Variants in CDKL4 observed in about 807,000 individuals in gnomAD.
CDKL4 encodes the protein cyclin dependent kinase like 4.
CDKL4 carries 44 observed loss-of-function variants against 42.0 expected under a neutral mutation model. The ratio of observed to expected loss-of-function variants is 1.05; its 90% CI spans 0.82 to 1.35. The LOEUF is 1.35. CDKL4 is among the 40% of genes most tolerant of loss of function. The pLI is 0.00. For synonymous variants in CDKL4, 120 were observed against 121.6 expected (o/e 0.99, Z 0.09); for missense variants, 393 against 369.9 (o/e 1.06, Z -0.51).
intron 9 of CDKL4, among the ~76,000 whole-genome samples, chr2:39,177,685 T>C (rs980992362): frequency 1.4e-5 from 2 of 145,746 alleles, no homozygotes; most frequent in African/African-American, 5.1e-5. Flanking sequence ...TGTTTTTATT[T>C]ATTTATTTTT....
intron 4 of CDKL4, among the ~76,000 whole-genome samples, chr2:39,205,214 G>A (rs1050630452): frequency 2.6e-5 from 4 of 152,030 alleles, no homozygotes; most frequent in Admixed American, 2.0e-4. Context: ...AATTCAAGAA[G>A]AGAGTAACAT....
intron 5 of CDKL4, among the ~76,000 whole-genome samples, chr2:39,198,134 G>T (rs11904381): frequency 0.016 from 2,503 of 152,110 alleles, 76 homozygotes; most frequent in African/African-American, 0.057. Context: ...AAAGTAAAGT[G>T]GGGGGAAAGG....
chr2:39,173,726 C>T (rs1056192084), downstream of CDKL4, among the ~76,000 whole-genome samples: 44 of 149,622 alleles, frequency 2.9e-4, no homozygotes, highest in African/African-American at 9.6e-4. Context: ...AGGAGAATGG[C>T]GTGAACCCGG....
At chr2:39,180,813 C>T (rs1225245424) in intron 8 of CDKL4, among the ~76,000 whole-genome samples, 1 of 151,852 alleles carries the variant, frequency 6.6e-6, no homozygotes, top group African/African-American at 2.4e-5. Flanking sequence ...GCCTCAGCCT[C>T]CCAAATAGCT....
intron 4 of CDKL4, 44 bp downstream of exon 4, chr2:39,213,356 T>A (rs1677700218): frequency 8.3e-7 from 1 of 1,211,330 alleles, no homozygotes; most frequent in Non-Finnish European, 1.2e-6. Flanking sequence ...AAGAAAAGAG[T>A]CATCATGAAG....
chr2:39,228,908 G>A (rs555636448), intron 2 of CDKL4, among the ~76,000 whole-genome samples: 4 of 152,240 alleles, frequency 2.6e-5, no homozygotes, highest in African/African-American at 9.6e-5. Flanking sequence ...TACGTTACCG[G>A]GGGTGCTATT....
chr2:39,217,083 C>T (rs1269315852), intron 3 of CDKL4, among the ~76,000 whole-genome samples: 1 of 152,134 alleles, frequency 6.6e-6, no homozygotes, highest in African/African-American at 2.4e-5. Flanking sequence ...CACATCGACG[C>T]GGCGCCCAGT....
chr2:39,186,825 G>C (rs925245806), intron 7 of CDKL4, among the ~76,000 whole-genome samples: 2 of 151,892 alleles, frequency 1.3e-5, no homozygotes, highest in Non-Finnish European at 2.9e-5. Context: ...ATTCTCCTAA[G>C]GCTTTGACCA....
chr2:39,172,966 C>T (rs948199873), downstream of CDKL4, among the ~76,000 whole-genome samples: 6 of 152,138 alleles, frequency 3.9e-5, no homozygotes, highest in African/African-American at 1.4e-4. Context: ...TCCCCAGTGA[C>T]ACCTAAGTGA....
chr2:39,221,163 G>A (rs1349997530), intron 3 of CDKL4, among the ~76,000 whole-genome samples: 1 of 151,054 alleles, frequency 6.6e-6, no homozygotes, highest in Non-Finnish European at 1.5e-5. Flanking sequence ...ACAGGTGCCC[G>A]CCACCACGCC....
chr2:39,205,876 T>C (rs1572982135), intron 4 of CDKL4, among the ~76,000 whole-genome samples: 1 of 151,746 alleles, frequency 6.6e-6, no homozygotes, highest in South Asian at 2.1e-4. Flanking sequence ...CACAGTCCCC[T>C]GCTTAGCAGA....
exon 5 of CDKL4, chr2:39,204,534 T>C: frequency 1.2e-6 from 2 of 1,602,346 alleles, no homozygotes; most frequent in Non-Finnish European, 8.5e-7. Context: ...TACTCAGAAT[T>C]TGTGCAAACC....
chr2:39,221,005 T>G (rs1573007235), intron 3 of CDKL4, among the ~76,000 whole-genome samples: 3 of 53,958 alleles, frequency 5.6e-5, no homozygotes, highest in Non-Finnish European at 1.4e-4. Context: ...TTTTTTGTTT[T>G]TTTTTTTGTT....
At chr2:39,208,973 G>T (rs962781105) in intron 4 of CDKL4, among the ~76,000 whole-genome samples, 1 of 151,788 alleles carries the variant, frequency 6.6e-6, no homozygotes, top group South Asian at 2.1e-4. Flanking sequence ...AGATGCTGAC[G>T]GAGGTTGCAG....
chr2:39,179,133 CA>C, intron 9 of CDKL4, 53 bp downstream of exon 9: 6 of 1,569,778 alleles, frequency 3.8e-6, no homozygotes, highest in Non-Finnish European at 5.2e-6. Context: ...GGCAGACAAA[CA>C]AAAACAAAAA....
At chr2:39,195,466 G>C (rs1358349755) in intron 5 of CDKL4, among the ~76,000 whole-genome samples, 1 of 152,048 alleles carries the variant, frequency 6.6e-6, no homozygotes, top group Non-Finnish European at 1.5e-5. Flanking sequence ...ACCAACACTT[G>C]TTATTTTGTT....
At chr2:39,184,679 C>T in intron 7 of CDKL4, 32 bp from the exon 8 acceptor site, 1 of 1,476,134 alleles carries the variant, frequency 6.8e-7, no homozygotes, top group Non-Finnish European at 9.4e-7. Flanking sequence ...TTCAATATTA[C>T]ATAAGAACAA....
At chr2:39,243,113 CAAAAAAAAAAAAAAAAAAAAAAA>C (rs57132937) in intron 1 of CDKL4, among the ~76,000 whole-genome samples, 8 of 38,442 alleles carry the variant, frequency 2.1e-4, no homozygotes, top group African/African-American at 8.7e-4. Flanking sequence ...GACCCTGTCT[CAAAAAAAAAAAAAAAAAAAAAAA>C]AAAAAAAAAA....
intron 1 of CDKL4, among the ~76,000 whole-genome samples, chr2:39,241,747 C>G (rs547406346): frequency 2.0e-5 from 3 of 152,296 alleles, no homozygotes; most frequent in Admixed American, 6.5e-5. Flanking sequence ...GGTTCTTTCT[C>G]TGCTCGCATG....
Sources: allele counts gnomAD v4.1 joint callset (sites outside exome capture counted in the v4.1 genomes callset), GRCh38; gene constraint gnomAD v4.1.1; transcripts MANE v1.5; gene names NCBI Gene and HGNC (gene_info 2026-07-23, HGNC 2026-07-21).